Variants in JRK observed in about 807,000 individuals in gnomAD.
The protein encoded by JRK is Jrk helix-turn-helix protein, also known as jerky protein homolog.
For synonymous variants in JRK, 303 were observed against 218.1 expected, an observed-to-expected ratio of 1.39 and a Z score of -3.43; for missense variants, 720 against 509.2, an observed-to-expected ratio of 1.41 and a Z score of -3.98.
In JRK at chr8:142,658,675, CCCT is replaced by C; in HGVS notation, c.*5674_*5676del. The C allele has an allele frequency of 8.7e-7, 1 of 1,149,850 alleles. No homozygotes were observed. Among genetic ancestry groups the C allele is most frequent in the Non-Finnish European group, 1.2e-6 (1 of 859,434 alleles). 71.2% of individuals were successfully genotyped at this position (1,149,850 alleles called of 1,614,324 possible). On this transcript the variant is annotated 3_prime_UTR_variant, in exon 2 of 2. Coordinates refer to ENST00000612905, the MANE Select transcript of JRK (RefSeq NM_003724.4). ...CCAAAGGCCCCACCTCCTAATACCA[CCCT>C]CCTGGGGGTCAGGGTTTCAACATAT...
In JRK at chr8:142,663,549, ACT is replaced by A; in HGVS notation, c.*801_*802del. ...AATTCTGGGCAACATGGTACATTGG[ACT>A]CTGAGCCAAAATGCCAAAATACCAC... is the stretch of plus-strand genomic sequence containing the variant. On this transcript the variant is annotated 3_prime_UTR_variant, in exon 2 of 2. Coordinates refer to ENST00000612905, the MANE Select transcript of JRK (RefSeq NM_003724.4). 1 of 985,460 alleles carries A rather than the reference ACT, an allele frequency of 1.0e-6. No individual in the cohort carries two copies. The allele number at this position is 985,460 out of a possible 1,614,324, so 61.0% of individuals were successfully genotyped here.
In JRK at chr8:142,661,235, C is replaced by A. The variant is rs1379676694; in HGVS notation, c.*3117G>T. 4.1e-6 allele frequency: 4 copies of A among 985,464 alleles called. No individual in the cohort carries two copies. Among genetic ancestry groups the A allele is most frequent in the East Asian group, 1.1e-4 (1 of 8,816 alleles). 61.0% of individuals were successfully genotyped at this position (985,464 alleles called of 1,614,324 possible). A position where few individuals can be genotyped will look rare whatever the true frequency, so the allele number is the denominator to read the frequency against. On this transcript the variant is annotated 3_prime_UTR_variant, in exon 2 of 2. Coordinates refer to ENST00000612905, the MANE Select transcript of JRK (RefSeq NM_003724.4). ...GTGCTCGCAGAAGGCCAGGCTGGCA[C>A]AGGCAGGACAGGTGTTCTGTAAACC...
At position 142,665,706 on chromosome 8, in the gene JRK, T is replaced by A; in HGVS notation, c.353A>T (p.Asp118Val). The A allele has an allele frequency of 4.0e-6, 3 of 753,142 alleles. No individual in the cohort carries two copies. Among genetic ancestry groups the A allele is most frequent in the Non-Finnish European group, 7.4e-6 (3 of 404,440 alleles). 46.7% of individuals were successfully genotyped at this position (753,142 alleles called of 1,614,324 possible). The change falls in exon 2 of 2, where the codon GAC becomes GTC. Residue 118 changes from aspartate to valine, a missense_variant. By Grantham distance (152) the Asp-to-Val change is radical. Transcript: ENST00000612905. ...AGTGAGCTGCATCTGCTCGTAGAAG[T>A]CCTTGGCCTTCTCGATGAGCATGGG... ...SGPMLIEKAK[D>V]FYEQMQLTEP...
In JRK at chr8:142,665,225, C is replaced by T. The variant is rs587624249; in HGVS notation, c.834G>A (p.Ser278=). ...CTATGGTTCTGAAGTGCTCTCTCACCGAGGGCACAAAGATATGATGGAACC... is the reference window on the plus strand; with the variant it reads ...CTATGGTTCTGAAGTGCTCTCTCACTGAGGGCACAAAGATATGATGGAACC... The part of the protein sequence containing the change: ...SDWFHHIFVP[S]VREHFRTIGL... The change falls in exon 2 of 2, where the codon TCG becomes TCA. Residue 278 remains serine (S), a synonymous_variant. Coordinates refer to ENST00000612905, the MANE Select transcript of JRK (RefSeq NM_003724.4). The T allele has an allele frequency of 1.7e-4, 120 of 717,906 alleles. 2 individuals carry two copies. Among genetic ancestry groups the T allele is most frequent in the South Asian group, 1.6e-3 (111 of 67,600 alleles). 44.5% of individuals were successfully genotyped at this position (717,906 alleles called of 1,614,324 possible).
the JRK span, among the ~76,000 whole-genome samples, chr8:142,651,634 T>C: frequency 6.6e-6 from 1 of 151,486 alleles, no homozygotes; most frequent in Non-Finnish European, 1.5e-5. Flanking sequence ...TCAAGTCAGA[T>C]AGAATTGGTC....
In JRK at chr8:142,659,967, GCAGAGGCCAGAGCT is replaced by G. The variant is rs1399980066; in HGVS notation, c.*4371_*4384del. The stretch of plus-strand genomic sequence containing the variant: ...AAGGTCTGAGGGTCCATGTGTAGAA[GCAGAGGCCAGAGCT>G]GACACCACATGGGCAAAGGAGTGGG... On this transcript the variant is annotated 3_prime_UTR_variant, in exon 2 of 2. Transcript: ENST00000612905. 2 of 985,630 alleles carry G rather than the reference GCAGAGGCCAGAGCT, an allele frequency of 2.0e-6. No homozygotes were observed. The highest frequency in any genetic ancestry group is 2.3e-4 in the East Asian group (2 of 8,818). The allele number at this position is 985,630 out of a possible 1,614,324, so 61.1% of individuals were successfully genotyped here.
At chr8:142,669,195 T>TGTGTGTGTGTGTGTGC (rs1375565668) in intron 1 of JRK, among the ~76,000 whole-genome samples, 1 of 63,036 alleles carries the variant, frequency 1.6e-5, no homozygotes, top group South Asian at 7.5e-4. Flanking sequence ...TGTGTGTGTG[T>TGTGTGTGTGTGTGTGC]GTGTGCGTGT....
In JRK at chr8:142,665,610, G is replaced by C. The variant is rs1362760783; in HGVS notation, c.449C>G (p.Ala150Gly). ...KARHGIKKLD[A>G]SSEKQSADHQ... ...GTCGGCTGACTGCTTTTCACTGGAT[G>C]CATCTAGCTTTTTAATGCCGTGTCT... The change falls in exon 2 of 2, where the codon GCA (alanine) becomes GGA (glycine). Residue 150 changes from alanine (A) to glycine (G), a missense_variant. Transcript: ENST00000612905. The C allele has an allele frequency of 5.6e-6, 4 of 718,442 alleles. No homozygotes were observed. In the Admixed American group the frequency reaches 8.0e-5, roughly 14 times the overall value. 44.5% of individuals were successfully genotyped at this position (718,442 alleles called of 1,614,324 possible).
Position 142,664,673 on chromosome 8 carries a change from C to T in JRK, c.1386G>A (p.Val462=). Reference sequence around the variant, plus strand: ...CTTTCGGAGTCTTTTCTGAACTCCACACAACCTCTGCTGGCGACGTGGCAG... The same window carrying T: ...CTTTCGGAGTCTTTTCTGAACTCCATACAACCTCTGCTGGCGACGTGGCAG... The part of the protein sequence containing the change: ...PPAATSPAEV[V]WSSEKTPKAD... The change falls in exon 2 of 2, where the codon GTG becomes GTA. Residue 462 remains valine, a synonymous_variant. Transcript: ENST00000612905. 5 of 1,611,610 alleles carry T rather than the reference C, an allele frequency of 3.1e-6. No individual in the cohort carries two copies. The highest frequency in any genetic ancestry group is 4.2e-6 in the Non-Finnish European group (5 of 1,179,246).
chr8:142,667,832 G>A (rs587648608), intron 1 of JRK, among the ~76,000 whole-genome samples: 1 of 152,248 alleles, frequency 6.6e-6, no homozygotes, highest in African/African-American at 2.4e-5. Flanking sequence ...ATCCCTTCTA[G>A]GTGGACAATT....
chr8:142,662,659 A>G lies in JRK; in HGVS notation c.*1693T>C, dbSNP rs945595378. 1.5e-4 allele frequency: 152 copies of G among 985,346 alleles called. No individual in the cohort carries two copies. Among genetic ancestry groups the G allele is most frequent in the Non-Finnish European group, 1.8e-4 (148 of 829,928 alleles). The allele number at this position is 985,346 out of a possible 1,614,324, so 61.0% of individuals were successfully genotyped here. A position where few individuals can be genotyped will look rare whatever the true frequency, so the allele number is the denominator to read the frequency against. ...TCCAGGACATAGATAGGGCTCTGTC[A>G]GCAATGACTTTTGCCCCTGTATCTA... On this transcript the variant is annotated 3_prime_UTR_variant, in exon 2 of 2. Coordinates refer to ENST00000612905, the MANE Select transcript of JRK (RefSeq NM_003724.4).
chr8:142,650,692 A>G, the JRK span, among the ~76,000 whole-genome samples: 1 of 152,188 alleles, frequency 6.6e-6, no homozygotes, highest in South Asian at 2.1e-4. Flanking sequence ...GCCAAACTGT[A>G]AGTCCATGAA....
In JRK at chr8:142,663,789, G is replaced by A; in HGVS notation, c.*563C>T. The A allele has an allele frequency of 2.0e-6, 2 of 986,052 alleles. No homozygotes were observed. Among genetic ancestry groups the A allele is most frequent in the Non-Finnish European group, 2.4e-6 (2 of 830,394 alleles). The allele number at this position is 986,052 out of a possible 1,614,324, so 61.1% of individuals were successfully genotyped here. A position where few individuals can be genotyped will look rare whatever the true frequency, so the allele number is the denominator to read the frequency against. ...ACAACTGAAGTGAGATGTGCGGCCT[G>A]TTCAGCCGCTAGCAGGCCAAGAACT... On this transcript the variant is annotated 3_prime_UTR_variant, in exon 2 of 2. Transcript: ENST00000612905.
chr8:142,663,785 GC>G lies in JRK; in HGVS notation c.*566del. 1 of 985,896 alleles carries G rather than the reference GC, an allele frequency of 1.0e-6. No homozygotes were observed. Among genetic ancestry groups the G allele is most frequent in the Non-Finnish European group, 1.2e-6 (1 of 830,268 alleles). 61.1% of individuals were successfully genotyped at this position (985,896 alleles called of 1,614,324 possible). ...GGCCACAACTGAAGTGAGATGTGCG[GC>G]CTGTTCAGCCGCTAGCAGGCCAAGA... On this transcript the variant is annotated 3_prime_UTR_variant, in exon 2 of 2. Transcript: ENST00000612905.
chr8:142,658,821 C>T lies in JRK; in HGVS notation c.*5531G>A, dbSNP rs782156576. On this transcript the variant is annotated 3_prime_UTR_variant, in exon 2 of 2. Transcript: ENST00000612905. ...CACTGGTGGGGACAGAGGGGTCTTA[C>T]CCAGCACTGCCATGTGGCAGAAGTT... 22 of 1,600,220 alleles carry T rather than the reference C, an allele frequency of 1.4e-5. No homozygotes were observed. Among genetic ancestry groups the T allele is most frequent in the Non-Finnish European group, 1.9e-5 (22 of 1,173,372 alleles).
downstream of JRK, among the ~76,000 whole-genome samples, chr8:142,656,207 T>C (rs1293562886): frequency 1.3e-5 from 2 of 152,220 alleles, no homozygotes; most frequent in African/African-American, 4.8e-5. Context: ...ATTGTAGCAA[T>C]TCTGGATACT....
In JRK at chr8:142,661,030, A is replaced by G. The variant is rs192222891; in HGVS notation, c.*3322T>C. ...CCACTAGCAATCAATCACTTGGCCC[A>G]CTGGATAAGAACAGTGGCCTGCGAC... On this transcript the variant is annotated 3_prime_UTR_variant, in exon 2 of 2. Coordinates refer to ENST00000612905, the MANE Select transcript of JRK (RefSeq NM_003724.4). The G allele has an allele frequency of 9.3e-5, 92 of 985,358 alleles. No individual in the cohort carries two copies. In the African/African-American group the frequency reaches 1.3e-3, roughly 14 times the overall value. 61.0% of individuals were successfully genotyped at this position (985,358 alleles called of 1,614,324 possible). A position where few individuals can be genotyped will look rare whatever the true frequency, so the allele number is the denominator to read the frequency against.
At chr8:142,668,633 A>C (rs1414654491) in intron 1 of JRK, among the ~76,000 whole-genome samples, 1 of 151,766 alleles carries the variant, frequency 6.6e-6, no homozygotes, top group Admixed American at 6.6e-5. Context: ...GAGGAGACTC[A>C]ACACCAGACA....
At chr8:142,645,631 G>A in the JRK span, among the ~76,000 whole-genome samples, 6 of 151,776 alleles carry the variant, frequency 4.0e-5, no homozygotes, top group African/African-American at 1.5e-4. Context: ...AGTGAGCCAA[G>A]ATCGCGCCAC....
Sources: allele counts gnomAD v4.1 joint callset (sites outside exome capture counted in the v4.1 genomes callset), GRCh38; gene constraint gnomAD v4.1.1; transcripts MANE v1.5; gene names NCBI Gene and HGNC (gene_info 2026-07-23, HGNC 2026-07-21).